AKAP1: variants seen among roughly 807,000 people sequenced by gnomAD.
AKAP1 encodes the protein A-kinase anchor protein 1, mitochondrial.
A neutral mutation model predicts 79.8 loss-of-function variants in AKAP1; 32 were observed. The ratio of observed to expected loss-of-function variants is 0.40; its 90% CI spans 0.30 to 0.54. The LOEUF (loss-of-function observed/expected upper bound fraction) is 0.54. Among genes scored for constraint, AKAP1 ranks in the 20% least tolerant of loss-of-function variants. The pLI, the probability that AKAP1 is intolerant of heterozygous loss-of-function variation, is 0.47. For synonymous variants in AKAP1, 416 were observed against 466.7 expected (o/e 0.89, Z 1.40); for missense variants, 961 against 1,138.9 (o/e 0.84, Z 2.25).
At chr17:57,114,671 C>T in intron 6 of AKAP1, 35 bp downstream of exon 6, 1 of 1,586,048 alleles carries the variant, frequency 6.3e-7, no homozygotes, top group Non-Finnish European at 8.6e-7. Context: ...GAAGGGGGAC[C>T]CCTGGGGTTG....
chr17:57,118,443 C>T lies in AKAP1; in HGVS notation c.2563C>T (p.Leu855=). The change falls in exon 9 of 11, where the codon CTG becomes TTG. Residue 855 remains leucine, a synonymous_variant. Transcript: ENST00000337714. Reference sequence around the variant, plus strand: ...GAGCGAGATGACGGGGAATACAGCACTGCTTGCTCAGGTGTGTGGTTGGCA... The same window carrying T: ...GAGCGAGATGACGGGGAATACAGCATTGCTTGCTCAGGTGTGTGGTTGGCA... ...AMSEMTGNTA[L]LAQVTSYSPT... 1 of 1,614,024 alleles carries T rather than the reference C, an allele frequency of 6.2e-7. No individual in the cohort carries two copies. The highest frequency in any genetic ancestry group is 8.5e-7 in the Non-Finnish European group (1 of 1,179,950).
At chr17:57,111,085 T>C (rs181717768) in intron 3 of AKAP1, among the ~76,000 whole-genome samples, 1 of 152,250 alleles carries the variant, frequency 6.6e-6, no homozygotes, top group East Asian at 1.9e-4. Flanking sequence ...TTTCCTTCAG[T>C]GGTTACAAAG....
At position 57,121,020 on chromosome 17, in the gene AKAP1, T is replaced by C. The variant is rs1267723911; in HGVS notation, c.*696T>C. On this transcript the variant is annotated 3_prime_UTR_variant, in exon 11 of 11. Transcript: ENST00000337714. ...ATGTGTTTAAACAAATGTAATATTT[T>C]GTACAAGATACACTGGAGAACAAAG... The C allele has an allele frequency of 6.6e-6, 1 of 152,668 alleles. No individual in the cohort carries two copies. Among genetic ancestry groups the C allele is most frequent in the Non-Finnish European group, 1.5e-5 (1 of 68,060 alleles). 9.5% of individuals were successfully genotyped at this position (152,668 alleles called of 1,614,324 possible). A position where few individuals can be genotyped will look rare whatever the true frequency, so the allele number is the denominator to read the frequency against.
intron 1 of AKAP1, chr17:57,093,241 G>A (rs1913888668): frequency 6.6e-6 from 1 of 152,226 alleles, no homozygotes; most frequent in Admixed American, 6.5e-5. Context: ...GAGGCTGCAG[G>A]TCTTTATATT....
chr17:57,116,548 G>A (rs35209435), intron 7 of AKAP1, among the ~76,000 whole-genome samples: 8,811 of 152,286 alleles, frequency 0.058, 326 homozygotes, highest in Non-Finnish European at 0.077. Context: ...AGGGTCACTT[G>A]AGTGCAGGAG....
intron 7 of AKAP1, 115 bp from the exon 8 acceptor site, chr17:57,116,745 C>T (rs1243005370): frequency 3.0e-6 from 3 of 1,013,898 alleles, no homozygotes; most frequent in Admixed American, 1.7e-5. Context: ...AAGTACGAAC[C>T]CTCTGCTTTG....
intron 1 of AKAP1, 88 bp from the exon 2 acceptor site, chr17:57,105,353 C>T (rs1295143315): frequency 2.2e-5 from 28 of 1,300,094 alleles, no homozygotes; most frequent in Non-Finnish European, 2.9e-5. Context: ...CCAGCTCTAC[C>T]CTGTTGACTG....
intron 1 of AKAP1, among the ~76,000 whole-genome samples, chr17:57,100,647 A>AAGG (rs1178257881): frequency 6.6e-6 from 1 of 151,892 alleles, no homozygotes; most frequent in African/African-American, 2.4e-5. Context: ...CAAACAAACA[A>AAGG]ACTGACCGGA....
intron 10 of AKAP1, among the ~76,000 whole-genome samples, chr17:57,119,772 T>G (rs1345992545): frequency 6.7e-6 from 1 of 149,756 alleles, no homozygotes; most frequent in African/African-American, 2.5e-5. Context: ...GCCAACAGAA[T>G]ACTTAAATAA....
chr17:57,112,724 GT>G, intron 5 of AKAP1, 106 bp downstream of exon 5: 1 of 1,447,390 alleles, frequency 6.9e-7, no homozygotes, highest in Non-Finnish European at 9.3e-7. Flanking sequence ...GTGCACATGA[GT>G]GCCTGCGCCC....
In AKAP1 at chr17:57,116,040, T is replaced by C. The variant is rs147625793; in HGVS notation, c.2282-71T>C. 2.2e-3 allele frequency: 3,377 copies of C among 1,555,344 alleles called. 27 individuals are homozygous for C. The highest frequency in any genetic ancestry group is 0.021 in the African/African-American group (1,580 of 74,074). On this transcript the variant is annotated intron_variant, in intron 6 of 10. Coordinates refer to ENST00000337714, the MANE Select transcript of AKAP1 (RefSeq NM_003488.4). ...CTGAGAGGTAACGCAGGGAGGTGGG[T>C]AGTGGCCAGGTGGCCCTTGGTGCCC... is the stretch of plus-strand genomic sequence containing the variant.
At position 57,112,571 on chromosome 17, in the gene AKAP1, C is replaced by G. The variant is rs773267940; in HGVS notation, c.2056C>G (p.Pro686Ala). ...KELNLTNIYAPPLPSLALPSL... is the reference protein window; with the variant it reads ...KELNLTNIYAAPLPSLALPSL... ...GCTGAACCTCACCAATATCTACGCT[C>G]CCCCATTGCCTTCACTGGCACTGCC... Residue 686 changes from proline (P) to alanine (A), a missense_variant, in exon 5 of 11, where the codon CCC becomes GCC. By Grantham distance (27) the Pro-to-Ala change is conservative (BLOSUM62 -1). This residue lies in a region of AKAP1 where 629 missense variants were observed against 781.1 expected (regional missense o/e 0.81). Coordinates refer to ENST00000337714, the MANE Select transcript of AKAP1 (RefSeq NM_003488.4). 7.4e-6 allele frequency: 12 copies of G among 1,614,148 alleles called. No individual in the cohort carries two copies. Among genetic ancestry groups the G allele is most frequent in the Non-Finnish European group, 1.0e-5 (12 of 1,180,012 alleles).
chr17:57,092,329 C>A (rs547596497), intron 1 of AKAP1: 1 of 152,230 alleles, frequency 6.6e-6, no homozygotes, highest in South Asian at 2.1e-4. Flanking sequence ...AAGCTTCAAG[C>A]CTTATAAGGC....
rs1915564967 is a variant in AKAP1, at chr17:57,116,126, C to T, written c.2297C>T (p.Ala766Val). 1.9e-6 allele frequency: 3 copies of T among 1,613,222 alleles called. No individual in the cohort carries two copies. The highest frequency in any genetic ancestry group is 1.7e-6 in the Non-Finnish European group (2 of 1,179,962). The stretch of plus-strand genomic sequence containing the variant: ...TACCCTGCAGTAACGGTCATCTGTG[C>T]CGCCCCTGGTGCGGACGGGGCCTGG... The part of the protein sequence containing the change: ...PTPVEITVIC[A>V]APGADGAWWR... Residue 766 changes from alanine (A) to valine (V), a missense_variant, in exon 7 of 11, where the codon GCC (alanine) becomes GTC (valine). Physicochemically the swap from Ala to Val is moderately conservative, Grantham distance 64. Transcript: ENST00000337714.
Position 57,106,044 on chromosome 17 carries a change from G to A in AKAP1, c.580G>A (p.Glu194Lys). ...CCCCGCAGAGAAGCGTAGCTCTGGG[G>A]AGAGGGCAAGAGAGACAGGTGGGGC... The part of the protein sequence containing the change: ...VVPAEKRSSG[E>K]RARETGGAEG... The change falls in exon 2 of 11, where the codon GAG (glutamate) becomes AAG (lysine). Residue 194 changes from glutamate to lysine, a missense_variant. This residue lies in a region of AKAP1 where 224 missense variants were observed against 210.2 expected (regional missense o/e 1.07). Coordinates refer to ENST00000337714, the MANE Select transcript of AKAP1 (RefSeq NM_003488.4). The A allele has an allele frequency of 2.5e-6, 4 of 1,611,454 alleles. No individual in the cohort carries two copies. Among genetic ancestry groups the A allele is most frequent in the Non-Finnish European group, 3.4e-6 (4 of 1,178,580 alleles).
intron 10 of AKAP1, among the ~76,000 whole-genome samples, chr17:57,119,931 A>G (rs1246169024): frequency 6.9e-6 from 1 of 143,996 alleles, no homozygotes; most frequent in Admixed American, 7.4e-5. Flanking sequence ...TCCGGGGTTC[A>G]AGCGATTCTG....
Position 57,116,204 on chromosome 17 carries a change from G to A in AKAP1, c.2375G>A (p.Arg792Gln), listed in dbSNP as rs996578635. The A allele has an allele frequency of 6.8e-6, 11 of 1,614,084 alleles. No homozygotes were observed. Among genetic ancestry groups the A allele is most frequent in the South Asian group, 2.2e-5 (2 of 91,094 alleles). The change falls in exon 7 of 11, where the codon CGA becomes CAA. Residue 792 changes from arginine to glutamine, a missense_variant. Transcript: ENST00000337714. ...GAGGAGACCAACGAAGTGGAGATTCGATACGTGGACTACGGCGGATATAAG... is the reference window on the plus strand; with the variant it reads ...GAGGAGACCAACGAAGTGGAGATTCAATACGTGGACTACGGCGGATATAAG... ...SYEETNEVEIRYVDYGGYKRV... is the reference protein window; with the variant it reads ...SYEETNEVEIQYVDYGGYKRV...
intron 3 of AKAP1, among the ~76,000 whole-genome samples, chr17:57,110,480 C>T (rs2270274): frequency 0.39 from 59,216 of 151,938 alleles, 11,831 homozygotes; most frequent in East Asian, 0.58. Context: ...ACACCAAGGC[C>T]GTGGGGGCCA....
In AKAP1 at chr17:57,105,909, C is replaced by T; in HGVS notation, c.445C>T (p.Leu149Phe). 1 of 1,614,238 alleles carries T rather than the reference C, an allele frequency of 6.2e-7. No individual in the cohort carries two copies. ...CAAATCGATTCCTCTAGAGTGCCCC[C>T]TTTCATCCCCAAAGGGTGTACTATT... ...EAKSIPLECP[L>F]SSPKGVLFSS... is the part of the protein sequence containing the mutation. The change falls in exon 2 of 11, where the codon CTT (leucine) becomes TTT (phenylalanine). Residue 149 changes from leucine to phenylalanine, a missense_variant. By Grantham distance (22) the Leu-to-Phe change is conservative. Coordinates refer to ENST00000337714, the MANE Select transcript of AKAP1 (RefSeq NM_003488.4).
Sources: allele counts gnomAD v4.1 joint callset (sites outside exome capture counted in the v4.1 genomes callset), GRCh38; gene constraint gnomAD v4.1.1; regional missense constraint gnomAD v4.1.1; transcripts MANE v1.5; gene names NCBI Gene and HGNC (gene_info 2026-07-23, HGNC 2026-07-21).